Variants in PDZRN4 observed in about 807,000 individuals in gnomAD.
PDZRN4 encodes the protein PDZ domain-containing RING finger protein 4.
Under a neutral mutation model 99.0 loss-of-function variants are expected in PDZRN4, and 70 were observed. The ratio of observed to expected loss-of-function variants is 0.71; its 90% CI spans 0.58 to 0.86. The LOEUF is 0.86. PDZRN4 is among the 40% of genes least tolerant of loss of function. The pLI is 0.00. For synonymous variants in PDZRN4, 551 were observed against 501.6 expected (o/e 1.10, Z -1.32); for missense variants, 1,474 against 1,331.2 (o/e 1.11, Z -1.67).
chr12:41,387,583 C>T (rs975947413), intron 3 of PDZRN4, among the ~76,000 whole-genome samples: 2 of 152,068 alleles, frequency 1.3e-5, no homozygotes, highest in Non-Finnish European at 2.9e-5. Context: ...CAGAGCAAGA[C>T]TCCAACAACA....
chr12:41,474,438 G>C (rs182173330), intron 3 of PDZRN4, among the ~76,000 whole-genome samples: 3 of 152,184 alleles, frequency 2.0e-5, no homozygotes. Flanking sequence ...CAATGAGTGT[G>C]CTATTATTAT....
At chr12:41,462,084 C>T (rs1343851539) in intron 3 of PDZRN4, among the ~76,000 whole-genome samples, 2 of 152,150 alleles carry the variant, frequency 1.3e-5, no homozygotes, top group African/African-American at 4.8e-5. Flanking sequence ...CTTCTGCCAA[C>T]CAGTAGTTCA....
intron 3 of PDZRN4, among the ~76,000 whole-genome samples, chr12:41,350,931 A>T (rs2121038745): frequency 6.6e-6 from 1 of 152,188 alleles, no homozygotes; most frequent in East Asian, 1.9e-4. Context: ...CGTGAGAGGG[A>T]CCTATTCATC....
chr12:41,278,100 C>T (rs906826785), intron 3 of PDZRN4, among the ~76,000 whole-genome samples: 1 of 152,176 alleles, frequency 6.6e-6, no homozygotes, highest in African/African-American at 2.4e-5. Context: ...CTAAGATGAT[C>T]CTTTTCCTCC....
chr12:41,554,339 T>C (rs2120805372), intron 6 of PDZRN4, among the ~76,000 whole-genome samples: 1 of 152,292 alleles, frequency 6.6e-6, no homozygotes, highest in Non-Finnish European at 1.5e-5. Flanking sequence ...ACTATTTAAA[T>C]ATGTCAGAAT....
chr12:41,514,791 G>A (rs933082127), intron 5 of PDZRN4, among the ~76,000 whole-genome samples: 1 of 152,056 alleles, frequency 6.6e-6, no homozygotes, highest in Non-Finnish European at 1.5e-5. Flanking sequence ...CTTTCCAGCA[G>A]GTATTTGTTC....
In PDZRN4 at chr12:41,573,716, T is replaced by C. The variant is rs78843210; in HGVS notation, c.2937T>C (p.Ser979=). The change falls in exon 10 of 10, where the codon AGT becomes AGC. Residue 979 remains serine, a synonymous_variant. Coordinates refer to ENST00000402685, the MANE Select transcript of PDZRN4 (RefSeq NM_001164595.2). ...TCAAGGAGAGCCCTCAGAGCGGCAG[T>C]GAGGGCAAGAAGGAGATCAATATCA... ...ECLKESPQSG[S]EGKKEINIIE... is the part of the protein sequence containing the mutation. The C allele has an allele frequency of 6.2e-7, 1 of 1,613,772 alleles. No homozygotes were observed. Among genetic ancestry groups the C allele is most frequent in the Non-Finnish European group, 8.5e-7 (1 of 1,179,956 alleles).
intron 3 of PDZRN4, among the ~76,000 whole-genome samples, chr12:41,504,413 G>A (rs150488263): frequency 1.3e-5 from 2 of 152,268 alleles, no homozygotes; most frequent in African/African-American, 4.8e-5. Flanking sequence ...GGAAGGCTGA[G>A]GACAAAAGAG....
intron 3 of PDZRN4, among the ~76,000 whole-genome samples, chr12:41,281,128 C>T (rs4768000): frequency 0.22 from 32,963 of 148,760 alleles, 4,079 homozygotes; most frequent in Non-Finnish European, 0.25. Context: ...AAGGGCCTGA[C>T]TGTTAGAAGG....
In PDZRN4 at chr12:41,189,085, C is replaced by T. The variant is rs752248309; in HGVS notation, c.630C>T (p.Leu210=). The change falls in exon 1 of 10, where the codon CTC becomes CTT. Residue 210 remains leucine (L), a synonymous_variant. Coordinates refer to ENST00000402685, the MANE Select transcript of PDZRN4 (RefSeq NM_001164595.2). ...MAHVRNFVGD[L]GGGHRRDGEH... is the part of the protein sequence containing the mutation. ...ACGTCCGCAACTTCGTCGGCGACCT[C>T]GGTGGCGGCCACCGCAGGGTAAGCA... is the stretch of plus-strand genomic sequence containing the variant. 1.9e-6 allele frequency: 3 copies of T among 1,581,760 alleles called. No individual in the cohort carries two copies. The highest frequency in any genetic ancestry group is 1.7e-5 in the Admixed American group (1 of 57,874).
In PDZRN4 at chr12:41,574,389, T is replaced by TCCCATTGTACATTTAACAC. The variant is rs1939540806; in HGVS notation, c.*500_*518dup. On this transcript the variant is annotated 3_prime_UTR_variant, in exon 10 of 10. Coordinates refer to ENST00000402685, the MANE Select transcript of PDZRN4 (RefSeq NM_001164595.2). The stretch of plus-strand genomic sequence containing the variant: ...CACATAAAAGCCACTGCTTTTAACA[T>TCCCATTGTACATTTAACAC]CCCATTGTACATTTAACACATAAAT... 1 of 152,932 alleles carries TCCCATTGTACATTTAACAC rather than the reference T, an allele frequency of 6.5e-6. No individual in the cohort carries two copies. The highest frequency in any genetic ancestry group is 1.5e-5 in the Non-Finnish European group (1 of 68,262). 9.5% of individuals were successfully genotyped at this position (152,932 alleles called of 1,614,324 possible). A position where few individuals can be genotyped will look rare whatever the true frequency, so the allele number is the denominator to read the frequency against.
chr12:41,239,267 A>C (rs982269344), intron 3 of PDZRN4, among the ~76,000 whole-genome samples: 2 of 152,164 alleles, frequency 1.3e-5, no homozygotes, highest in African/African-American at 4.8e-5. Context: ...GAATGATGAG[A>C]ACACATGGAC....
At chr12:41,548,622 T>C (rs1421028296) in intron 5 of PDZRN4, among the ~76,000 whole-genome samples, 2 of 152,210 alleles carry the variant, frequency 1.3e-5, no homozygotes, top group African/African-American at 4.8e-5. Context: ...AGGAAAATCT[T>C]TATGGCATGC....
At chr12:41,522,806 A>G (rs758431031) in intron 5 of PDZRN4, among the ~76,000 whole-genome samples, 1 of 152,134 alleles carries the variant, frequency 6.6e-6, no homozygotes, top group Non-Finnish European at 1.5e-5. Context: ...GCTGATTAGT[A>G]TCAGATCAAT....
At chr12:41,448,318 T>A (rs945910513) in intron 3 of PDZRN4, among the ~76,000 whole-genome samples, 7 of 152,196 alleles carry the variant, frequency 4.6e-5, no homozygotes, top group African/African-American at 1.7e-4. Context: ...CCCTTATGCC[T>A]ACAGTGCCTT....
intron 3 of PDZRN4, among the ~76,000 whole-genome samples, chr12:41,489,696 G>A (rs1479883146): frequency 2.8e-5 from 4 of 144,688 alleles, no homozygotes; most frequent in African/African-American, 7.7e-5. Flanking sequence ...TTTTCCAAAA[G>A]AGAACTCTTA....
rs1274902067 is a variant in PDZRN4, at chr12:41,450,670, C to T, written c.844-55786C>T. Among the ~76,000 whole-genome samples the T allele has an allele frequency of 1.7e-5, 2 of 119,018 alleles. 1 individual carries two copies. The highest frequency in any genetic ancestry group is 6.9e-3 in the Middle Eastern group (2 of 288). The allele number at this position is 119,018 out of a possible 152,430, so 78.1% of individuals were successfully genotyped here. ...AGTGCCGTGGCTCATGCCTGTAATC[C>T]CAGCACTTTTGGGAGCTGAGGCGGG... On this transcript the variant is annotated intron_variant, in intron 3 of 9. Transcript: ENST00000402685.
At chr12:41,397,521 C>T (rs1416493368) in intron 3 of PDZRN4, among the ~76,000 whole-genome samples, 1 of 152,128 alleles carries the variant, frequency 6.6e-6, no homozygotes, top group Non-Finnish European at 1.5e-5. Flanking sequence ...GATAAAATAA[C>T]CACTTTTCCA....
At chr12:41,324,099 A>G (rs529041060) in intron 3 of PDZRN4, among the ~76,000 whole-genome samples, 275 of 152,218 alleles carry the variant, frequency 1.8e-3, no homozygotes, top group Middle Eastern at 6.8e-3. Flanking sequence ...AGTGTTTTCA[A>G]TATGATGCTG....
Sources: allele counts gnomAD v4.1 joint callset (sites outside exome capture counted in the v4.1 genomes callset), GRCh38; gene constraint gnomAD v4.1.1; transcripts MANE v1.5; gene names NCBI Gene and HGNC (gene_info 2026-07-23, HGNC 2026-07-21).